SNRNP200: variants seen among roughly 807,000 people sequenced by gnomAD.
The protein encoded by SNRNP200 is small nuclear ribonucleoprotein U5 subunit 200, also known as U5 small nuclear ribonucleoprotein 200 kDa helicase.
Under a neutral mutation model 255.2 loss-of-function variants are expected in SNRNP200, and 66 were observed. The observed-to-expected ratio is 0.26, with a 90% CI of 0.21 to 0.32. The LOEUF (loss-of-function observed/expected upper bound fraction) is 0.32, where lower values mean the gene tolerates loss of function less well. SNRNP200 is among the 10% of genes least tolerant of loss of function. The probability of loss-of-function intolerance (pLI) is 1.00; values close to 1 mark genes in which losing one functional copy is unlikely to be tolerated. For synonymous variants in SNRNP200, 939 were observed against 1,027.8 expected (o/e 0.91, Z 1.65); for missense variants, 1,585 against 2,749.8 (o/e 0.58, Z 9.47).
intron 4 of SNRNP200, 105 bp from the exon 5 acceptor site, chr2:96,301,158 A>AGT: frequency 1.1e-6 from 1 of 951,850 alleles, no homozygotes; most frequent in Non-Finnish European, 1.7e-6. Flanking sequence ...GAAAGATCTA[A>AGT]GTGCTAAGGA....
rs2063911627 is a variant in SNRNP200, at chr2:96,295,542, G to A, written c.1788C>T (p.Ile596=). The change falls in exon 14 of 45, where the codon ATC becomes ATT. Residue 596 remains isoleucine (I), a synonymous_variant. Coordinates refer to ENST00000323853, the MANE Select transcript of SNRNP200 (RefSeq NM_014014.5). The stretch of plus-strand genomic sequence containing the variant: ...AGGTGCGCTCACCACCCTTGCGGGT[G>A]ATGATGTCCCACTTCTCGGGGGTGC... ...IVCTPEKWDI[I]TRKGGERTYT... 1 of 1,613,922 alleles carries A rather than the reference G, an allele frequency of 6.2e-7. No homozygotes were observed. The highest frequency in any genetic ancestry group is 8.5e-7 in the Non-Finnish European group (1 of 1,180,024).
chr2:96,287,883 G>A lies in SNRNP200; in HGVS notation c.3345C>T (p.Cys1115=), dbSNP rs1186488781. 2 of 1,614,200 alleles carry A rather than the reference G, an allele frequency of 1.2e-6. No homozygotes were observed. Among genetic ancestry groups the A allele is most frequent in the Admixed American group, 3.3e-5 (2 of 60,028 alleles). The part of the protein sequence containing the change: ...AQLTDKTLNL[C]KMIDKRMWQS... ...CTTACATGCGTTTGTCGATCATCTT[G>A]CAGAGGTTCAGGGTCTTGTCTGTAA... is the stretch of plus-strand genomic sequence containing the variant. The change falls in exon 25 of 45, where the codon TGC becomes TGT. Residue 1115 remains cysteine, a synonymous_variant. Transcript: ENST00000323853. The surrounding 1 kb of genome is among the most constrained non-coding windows in gnomAD (Gnocchi z 5.7).
intron 44 of SNRNP200, 29 bp from the exon 45 acceptor site, chr2:96,275,184 A>G (rs766606856): frequency 1.9e-6 from 3 of 1,614,242 alleles, no homozygotes; most frequent in Non-Finnish European, 1.7e-6. Context: ...AATCAAGATG[A>G]GCATGGACAC....
In SNRNP200 at chr2:96,287,110, G is replaced by T. The variant is rs2104344982; in HGVS notation, c.3535C>A (p.His1179Asn). Residue 1179 changes from histidine (H) to asparagine (N), a missense_variant, in exon 27 of 45, where the codon CAT becomes AAT. By Grantham distance (68) the His-to-Asn change is moderately conservative. Coordinates refer to ENST00000323853, the MANE Select transcript of SNRNP200 (RefSeq NM_014014.5). This position sits in a 1 kb window ranked among gnomAD's most constrained non-coding sequence, Gnocchi z 5.7. The stretch of plus-strand genomic sequence containing the variant: ...GACAACTCCAACTTGGGAAACAGAT[G>T]GACATATTTGTGGATGGTCTTCCCC... ...KMGKTIHKYV[H>N]LFPKLELSVH... The T allele has an allele frequency of 6.2e-7, 1 of 1,614,130 alleles. No individual in the cohort carries two copies. Among genetic ancestry groups the T allele is most frequent in the South Asian group, 1.1e-5 (1 of 91,084 alleles).
At chr2:96,296,773 T>C (rs2104356895) in intron 12 of SNRNP200, 82 bp from the exon 13 acceptor site, 8 of 1,571,436 alleles carry the variant, frequency 5.1e-6, no homozygotes, top group Middle Eastern at 1.7e-4. Flanking sequence ...ATTTCCCAAA[T>C]AGAGAATAGA....
In SNRNP200 at chr2:96,296,863, A is replaced by C. The variant is rs1030812194; in HGVS notation, c.1515+70T>G. On this transcript the variant is annotated intron_variant, in intron 12 of 44. Transcript: ENST00000323853. ...AGAATTAGGGGGTGGGGGTGGAAAT[A>C]AAAAACAATCTTGCAACGGAAACTC... 3.1e-6 allele frequency: 5 copies of C among 1,606,882 alleles called. No homozygotes were observed. In the African/African-American group the frequency reaches 6.7e-5, roughly 21 times the overall value.
At chr2:96,292,683 A>G (rs1441509591) in intron 16 of SNRNP200, among the ~76,000 whole-genome samples, 1 of 152,210 alleles carries the variant, frequency 6.6e-6, no homozygotes, top group Non-Finnish European at 1.5e-5. Flanking sequence ...AGGGCTCTTC[A>G]TGTTATCTAT....
At position 96,286,225 on chromosome 2, in the gene SNRNP200, A is replaced by G; in HGVS notation, c.4003+86T>C. On this transcript the variant is annotated intron_variant, in intron 29 of 44. Transcript: ENST00000323853. The surrounding 1 kb of genome is among the most constrained non-coding windows in gnomAD (Gnocchi z 4.8). ...AGCTCCCAGACCTCCCAAGTGCCTGAGCACCCCCACTCCCCTGCCTGCCAC... is the reference window on the plus strand; with the variant it reads ...AGCTCCCAGACCTCCCAAGTGCCTGGGCACCCCCACTCCCCTGCCTGCCAC... 1 of 1,389,590 alleles carries G rather than the reference A, an allele frequency of 7.2e-7. No individual in the cohort carries two copies. Among genetic ancestry groups the G allele is most frequent in the Non-Finnish European group, 1.0e-6 (1 of 976,978 alleles). The allele number at this position is 1,389,590 out of a possible 1,614,324, so 86.1% of individuals were successfully genotyped here. A position where few individuals can be genotyped will look rare whatever the true frequency, so the allele number is the denominator to read the frequency against.
intron 2 of SNRNP200, among the ~76,000 whole-genome samples, chr2:96,304,408 C>A (rs958071308): frequency 1.3e-5 from 2 of 152,070 alleles, no homozygotes; most frequent in African/African-American, 4.8e-5. Flanking sequence ...AAAAGGAAAA[C>A]GAATTACTGG....
intron 43 of SNRNP200, 56 bp downstream of exon 43, chr2:96,276,848 C>T: frequency 6.5e-7 from 1 of 1,538,608 alleles, no homozygotes; most frequent in Non-Finnish European, 9.0e-7. Flanking sequence ...GTACCAAGCA[C>T]CTAGCCAATG....
chr2:96,280,503 AAAC>A (rs764278129), intron 35 of SNRNP200, among the ~76,000 whole-genome samples: 13 of 152,076 alleles, frequency 8.5e-5, no homozygotes, highest in South Asian at 2.1e-4. Flanking sequence ...CTTAAAAAAA[AAAC>A]AACAACAAAT....
chr2:96,304,153 A>G (rs756473094), intron 2 of SNRNP200, among the ~76,000 whole-genome samples: 1 of 152,098 alleles, frequency 6.6e-6, no homozygotes, highest in Non-Finnish European at 1.5e-5. Flanking sequence ...TGGAAACTTC[A>G]TCATAGGAAA....
chr2:96,289,234 A>G lies in SNRNP200; in HGVS notation c.3086T>C (p.Val1029Ala), dbSNP rs2063868579. Residue 1029 changes from valine to alanine, a missense_variant, in exon 22 of 45, where the codon GTG becomes GCG. Val to Ala is a moderately conservative substitution (Grantham distance 64). This residue lies in a region of SNRNP200 where 719 missense variants were observed against 1,091.1 expected (regional missense o/e 0.66). Coordinates refer to ENST00000323853, the MANE Select transcript of SNRNP200 (RefSeq NM_014014.5). Reference protein sequence around the residue: ...SLSSEFKNITVREEEKLELQK... With the variant: ...SLSSEFKNITAREEEKLELQK... Reference sequence around the variant, plus strand: ...CATGCTGCATAGGCTCACCTCTCTCACTGTGATGTTCTTGAACTCAGAGGA... The same window carrying G: ...CATGCTGCATAGGCTCACCTCTCTCGCTGTGATGTTCTTGAACTCAGAGGA... 2 of 1,614,172 alleles carry G rather than the reference A, an allele frequency of 1.2e-6. No homozygotes were observed. The highest frequency in any genetic ancestry group is 4.5e-5 in the East Asian group (2 of 44,886).
rs770633757 is a variant in SNRNP200 at position 96,289,806 on chromosome 2, T to C, written c.2933A>G (p.Asn978Ser). The change falls in exon 21 of 45, where the codon AAC becomes AGC. Residue 978 changes from asparagine (N) to serine (S), a missense_variant. Physicochemically the swap from Asn to Ser is conservative, Grantham distance 46. This residue lies in a region of SNRNP200 where 719 missense variants were observed against 1,091.1 expected (regional missense o/e 0.66). Coordinates refer to ENST00000323853, the MANE Select transcript of SNRNP200 (RefSeq NM_014014.5). ...AACCCTCACCCCACGCACCTGGAAG[T>C]TGCCCGTCTTCTTGTCGTACTTGAC... ...NLVKYDKKTGNFQVTELGRIA... is the reference protein window; with the variant it reads ...NLVKYDKKTGSFQVTELGRIA... 6.2e-7 allele frequency: 1 copy of C among 1,614,076 alleles called. No individual in the cohort carries two copies.
In SNRNP200 at chr2:96,278,750, T is replaced by C. The variant is rs568908730; in HGVS notation, c.5324-39A>G. The C allele has an allele frequency of 3.7e-6, 6 of 1,614,170 alleles. No homozygotes were observed. The South Asian group carries it at 5.5e-5, about 15-fold the overall frequency. ...AGGTGAGTGGGGAGCCTCAAGAAGA[T>C]GCCCAGCAAAGACTGTGAGAACCAC... On this transcript the variant is annotated intron_variant, in intron 37 of 44. Coordinates refer to ENST00000323853, the MANE Select transcript of SNRNP200 (RefSeq NM_014014.5). The surrounding 1 kb of genome is among the most constrained non-coding windows in gnomAD (Gnocchi z 6.9).
At chr2:96,305,340 C>T (rs2104367755) in intron 1 of SNRNP200, 53 bp downstream of exon 1, 1 of 1,609,106 alleles carries the variant, frequency 6.2e-7, no homozygotes, top group Non-Finnish European at 8.5e-7. Flanking sequence ...TTTCAGCCTC[C>T]CCCTCCCCAT....
At position 96,278,668 on chromosome 2, in the gene SNRNP200, C is replaced by T. The variant is rs1684711342; in HGVS notation, c.5367G>A (p.Val1789=). ...RHLSDHLSEL[V]EQTLSDLEQS... is the part of the protein sequence containing the mutation. Reference sequence around the variant, plus strand: ...GCTCCAGGTCACTCAGGGTCTGCTCCACCAGCTCTGACAAGTGGTCCGACA... The same window carrying T: ...GCTCCAGGTCACTCAGGGTCTGCTCTACCAGCTCTGACAAGTGGTCCGACA... The change falls in exon 38 of 45, where the codon GTG becomes GTA. Residue 1789 remains valine, a synonymous_variant. Transcript: ENST00000323853. The surrounding 1 kb of genome is among the most constrained non-coding windows in gnomAD (Gnocchi z 6.9). The T allele has an allele frequency of 1.2e-6, 2 of 1,614,120 alleles. No individual in the cohort carries two copies. The highest frequency in any genetic ancestry group is 2.7e-5 in the African/African-American group (2 of 74,948).
At chr2:96,276,420 A>ATTTTTTTTTT (rs34749374) in intron 43 of SNRNP200, 1 of 159,758 alleles carries the variant, frequency 6.3e-6, no homozygotes, top group Non-Finnish European at 1.3e-5. Flanking sequence ...AGTCATCTAA[A>ATTTTTTTTTT]TTTTTTTTTT....
chr2:96,276,782 C>T (rs1302670005), intron 43 of SNRNP200, 122 bp downstream of exon 43: 3 of 940,814 alleles, frequency 3.2e-6, no homozygotes, highest in Non-Finnish European at 5.3e-6. Flanking sequence ...TAATTCTCAC[C>T]CTTGTGAGCT....
Sources: gnomAD v4.1 joint callset for allele counts (sites outside exome capture counted in the v4.1 genomes callset) on GRCh38, gnomAD v4.1.1 for gene constraint, gnomAD v4.1.1 regional missense constraint, Gnocchi (gnomAD v3.1) non-coding constraint, MANE v1.5 for transcripts, NCBI Gene and HGNC (gene_info 2026-07-23, HGNC 2026-07-21) for gene names.